SLX9: variants seen among roughly 807,000 people sequenced by gnomAD.
The protein encoded by SLX9 is ribosome biogenesis protein SLX9 homolog.
A neutral mutation model predicts 20.8 loss-of-function variants in SLX9; 19 were observed. The ratio of observed to expected loss-of-function variants is 0.91; its 90% confidence interval spans 0.64 to 1.34. SLX9 has a LOEUF of 1.34. Ranked by LOEUF, SLX9 falls within the 40% of genes most tolerant of loss-of-function variation. SLX9 has a pLI of 0.00. For missense variants in SLX9, 299 were observed against 322.2 expected (o/e 0.93, Z 0.55); for synonymous variants, 113 against 137.1 (o/e 0.82, Z 1.23).
intron 3 of SLX9, among the ~76,000 whole-genome samples, chr21:44,961,404 C>A (rs1378384478): frequency 1.3e-5 from 2 of 152,128 alleles, no homozygotes; most frequent in Non-Finnish European, 2.9e-5. Context: ...TATAGCGAGA[C>A]CTTGTCTCTA....
chr21:44,944,250 C>G (rs1403259788), intron 2 of SLX9, among the ~76,000 whole-genome samples: 1 of 152,316 alleles, frequency 6.6e-6, no homozygotes, highest in Middle Eastern at 3.4e-3. Flanking sequence ...ACAAATAACT[C>G]TTGAGGGTTT....
At chr21:44,969,402 G>A (rs1052421479) in intron 4 of SLX9, 13 of 362,686 alleles carry the variant, frequency 3.6e-5, no homozygotes, top group South Asian at 2.4e-4. Context: ...AAGGGAGAGG[G>A]CTGTATCAAC....
chr21:44,970,801 C>T (rs1199352996), intron 4 of SLX9, among the ~76,000 whole-genome samples: 1 of 152,206 alleles, frequency 6.6e-6, no homozygotes, highest in Non-Finnish European at 1.5e-5. Context: ...GAACATATGG[C>T]TTGGGCTGGC....
intron 5 of SLX9, among the ~76,000 whole-genome samples, chr21:44,975,017 C>T: frequency 6.6e-6 from 1 of 152,212 alleles, no homozygotes; most frequent in East Asian, 1.9e-4. Flanking sequence ...CTGGTTTCAT[C>T]AAAGATGGAG....
rs567972837 is a variant in SLX9, at chr21:44,972,720, C to T, written c.501-477C>T. On this transcript the variant is annotated intron_variant, in intron 4 of 5. Transcript: ENST00000291634. ...ATGTAGGCTTGGGTGGGTGACTCAG[C>T]CTTCCTGGGAAGTGGTGTGTACTGC... Among the ~76,000 whole-genome samples the T allele has an allele frequency of 1.6e-4, 24 of 152,326 alleles. No individual in the cohort carries two copies. In the East Asian group the frequency reaches 4.4e-3, roughly 28 times the overall value.
chr21:44,944,428 G>C (rs1279375228), intron 2 of SLX9, among the ~76,000 whole-genome samples: 1 of 152,178 alleles, frequency 6.6e-6, no homozygotes, highest in African/African-American at 2.4e-5. Context: ...AGCAGGGAAC[G>C]CCGTCCCCCT....
At chr21:44,960,041 C>G in intron 2 of SLX9, 59 bp from the exon 3 acceptor site, 1 of 1,488,736 alleles carries the variant, frequency 6.7e-7, no homozygotes, top group South Asian at 1.1e-5. Flanking sequence ...AGCCCATTCT[C>G]AGGTCATGGG....
chr21:44,972,577 A>G (rs2085171083), intron 4 of SLX9, among the ~76,000 whole-genome samples: 1 of 152,194 alleles, frequency 6.6e-6, no homozygotes, highest in Admixed American at 6.5e-5. Flanking sequence ...AGGTGCAGGC[A>G]GGGCAGGATC....
At chr21:44,953,794 G>A (rs1305259417) in intron 2 of SLX9, among the ~76,000 whole-genome samples, 1 of 152,180 alleles carries the variant, frequency 6.6e-6, no homozygotes, top group Non-Finnish European at 1.5e-5. Context: ...ACCCCCCGGG[G>A]AGCTCTTGGC....
At chr21:44,939,795 C>A (rs915486845), upstream of SLX9, 37 of 555,340 alleles carry the variant, frequency 6.7e-5, no homozygotes, top group South Asian at 3.5e-4. Context: ...GGGCTTGGGT[C>A]CCCCACGATC....
chr21:44,940,449 T>C (rs2084521662), intron 1 of SLX9, among the ~76,000 whole-genome samples: 1 of 152,134 alleles, frequency 6.6e-6, no homozygotes, highest in Admixed American at 6.5e-5. Context: ...CGGTCCAGGG[T>C]TGCCACGCGG....
chr21:44,950,337 C>T (rs2084732861), intron 2 of SLX9, among the ~76,000 whole-genome samples: 1 of 152,150 alleles, frequency 6.6e-6, no homozygotes. Context: ...ATATCTACTC[C>T]CAAGTTAAAA....
At position 44,960,178 on chromosome 21, in the gene SLX9, T is replaced by C; in HGVS notation, c.352+10T>C. ...GAGCAATGGTTGCAGAGTAAGTCCA[T>C]GCCTGCGTCTTGAGGCAGCTGCCGG... On this transcript the variant is annotated intron_variant, in intron 3 of 5. Transcript: ENST00000291634. 1 of 1,614,060 alleles carries C rather than the reference T, an allele frequency of 6.2e-7. No homozygotes were observed. The highest frequency in any genetic ancestry group is 8.5e-7 in the Non-Finnish European group (1 of 1,179,874).
chr21:44,961,450 A>G (rs4818997), intron 3 of SLX9, among the ~76,000 whole-genome samples: 152,241 of 152,300 alleles, frequency 1, 76,091 homozygotes, highest in Middle Eastern at 1. Flanking sequence ...TAGGTGGTGT[A>G]TGCCTCTGAG....
rs1001302469 is a variant in SLX9, at chr21:44,964,394, A to T, written c.353-2640A>T. Among the ~76,000 whole-genome samples the T allele has an allele frequency of 9.2e-5, 14 of 152,026 alleles. No individual in the cohort carries two copies. In the East Asian group the frequency reaches 2.7e-3, roughly 29 times the overall value. On this transcript the variant is annotated intron_variant, in intron 3 of 5. Transcript: ENST00000291634. ...TTTCCCCTGTGGATCTGCACGCGCC[A>T]CCCCACCTTGCCTTTATGAGGACAA...
chr21:44,958,600 C>T (rs1158651920), intron 2 of SLX9, among the ~76,000 whole-genome samples: 3 of 152,218 alleles, frequency 2.0e-5, no homozygotes, highest in South Asian at 2.1e-4. Context: ...AGTGAACACC[C>T]GTCAGCCCAT....
chr21:44,960,515 A>G (rs568525723), intron 3 of SLX9, among the ~76,000 whole-genome samples: 46 of 152,100 alleles, frequency 3.0e-4, no homozygotes, highest in Admixed American at 1.0e-3. Flanking sequence ...AAAATTACCT[A>G]TTTTTGTTCC....
chr21:44,975,442 G>A (rs995784005), intron 5 of SLX9, among the ~76,000 whole-genome samples: 12 of 152,244 alleles, frequency 7.9e-5, no homozygotes, highest in South Asian at 4.1e-4. Flanking sequence ...CACCGAACCC[G>A]TGTCCCATAG....
In SLX9 at chr21:44,960,088, C is replaced by A. The variant is rs1300606734; in HGVS notation, c.284-12C>A. ...GACACGTTTTGCTCACTCCCGTGTT[C>A]TCTTTCCTCAGGTGCAGAGGCCAAG... On this transcript the variant is annotated splice_polypyrimidine_tract_variant and intron_variant, in intron 2 of 5. Coordinates refer to ENST00000291634, the MANE Select transcript of SLX9 (RefSeq NM_058190.4). 7 of 1,614,004 alleles carry A rather than the reference C, an allele frequency of 4.3e-6. No individual in the cohort carries two copies. The highest frequency in any genetic ancestry group is 2.2e-5 in the South Asian group (2 of 91,086).
Sources: allele counts gnomAD v4.1 joint callset (sites outside exome capture counted in the v4.1 genomes callset), GRCh38; gene constraint gnomAD v4.1.1; transcripts MANE v1.5; gene names NCBI Gene and HGNC (gene_info 2026-07-23, HGNC 2026-07-21).